SEH1L: variants seen among roughly 807,000 people sequenced by gnomAD.
SEH1L encodes the protein nucleoporin SEH1.
A neutral mutation model predicts 49.5 loss-of-function variants in SEH1L; 18 were observed. The observed-to-expected ratio is 0.36, with a 90% CI of 0.25 to 0.54. The LOEUF is 0.54. SEH1L is among the 20% of genes least tolerant of loss of function. SEH1L has a pLI of 0.87. For synonymous variants in SEH1L, 169 were observed against 178.1 expected (o/e 0.95, Z 0.41); for missense variants, 404 against 528.8 (o/e 0.76, Z 2.31).
chr18:12,986,154 C>T (rs2032449382), intron 8 of SEH1L: 10 of 983,316 alleles, frequency 1.0e-5, no homozygotes, highest in Middle Eastern at 5.2e-4. Context: ...TAATTTAGTT[C>T]GCTGTTTAAA....
intron 5 of SEH1L, chr18:12,971,615 C>G (rs2031704734): frequency 1.1e-5 from 1 of 93,232 alleles, no homozygotes; most frequent in Non-Finnish European, 2.0e-5. Flanking sequence ...GGCTGGGCAA[C>G]AAGAGCGAAA....
chr18:12,979,719 C>G (rs1156570997), intron 6 of SEH1L, among the ~76,000 whole-genome samples: 1 of 149,156 alleles, frequency 6.7e-6, no homozygotes, highest in Non-Finnish European at 1.5e-5. Flanking sequence ...ACCTCCCTCC[C>G]GGACGGGGCG....
intron 8 of SEH1L, among the ~76,000 whole-genome samples, chr18:12,984,433 G>C (rs1181538021): frequency 6.6e-6 from 1 of 152,234 alleles, no homozygotes; most frequent in Non-Finnish European, 1.5e-5. Flanking sequence ...TGGTAGAAAT[G>C]TTTACAGGTT....
rs2030341422 is a variant in SEH1L, at chr18:12,949,244, C to T, written c.111+1012C>T. Among the ~76,000 whole-genome samples, 8 of 152,002 alleles carry T rather than the reference C, an allele frequency of 5.3e-5. No homozygotes were observed. In the South Asian group the frequency reaches 1.7e-3, roughly 32 times the overall value. On this transcript the variant is annotated intron_variant, in intron 1 of 8. Transcript: ENST00000399892. The stretch of plus-strand genomic sequence containing the variant: ...AGATGTGTTGCAGGATGAATGAAAG[C>T]TGGAGTGCGGATTATTTGGTTCTCG...
In SEH1L at chr18:12,979,504, A is replaced by G. The variant is rs978333308; in HGVS notation, c.761+612A>G. On this transcript the variant is annotated intron_variant, in intron 6 of 8. Coordinates refer to ENST00000399892, the MANE Select transcript of SEH1L (RefSeq NM_001013437.2). ...GACACGGCAACCATCCGATTTCTCA[A>G]TCTTTTCCCCACCTTTCCCCGCTTT... is the stretch of plus-strand genomic sequence containing the variant. 7.9e-5 allele frequency among the ~76,000 whole-genome samples: 12 copies of G among 152,116 alleles called. No homozygotes were observed. In the South Asian group the frequency reaches 1.5e-3, roughly 18 times the overall value.
chr18:12,963,083 CAG>C (rs1188504578), intron 3 of SEH1L, 75 bp from the exon 4 acceptor site: 1 of 1,036,682 alleles, frequency 9.6e-7, no homozygotes, highest in African/African-American at 1.6e-5. Flanking sequence ...TGTGTGATTC[CAG>C]AGTCTGTGTG....
rs199828651 is a variant in SEH1L, at chr18:12,955,533, C to G, written c.233C>G (p.Ser78Cys). The G allele has an allele frequency of 1.7e-5, 28 of 1,613,356 alleles. No individual in the cohort carries two copies. Among genetic ancestry groups the G allele is most frequent in the Non-Finnish European group, 2.3e-5 (27 of 1,179,892 alleles). ...TTTGGGCAGGTTTTGGCTTCCTGTTCTTTTGACCGAACAGCTGCTGTATGG... is the reference window on the plus strand; with the variant it reads ...TTTGGGCAGGTTTTGGCTTCCTGTTGTTTTGACCGAACAGCTGCTGTATGG... ...PEFGQVLASCSFDRTAAVWEE... is the reference protein window; with the variant it reads ...PEFGQVLASCCFDRTAAVWEE... The change falls in exon 3 of 9, where the codon TCT becomes TGT. Residue 78 changes from serine to cysteine, a missense_variant. Ser to Cys is a moderately radical substitution (Grantham distance 112). Coordinates refer to ENST00000399892, the MANE Select transcript of SEH1L (RefSeq NM_001013437.2).
chr18:12,972,798 A>T (rs1302231837), intron 5 of SEH1L: 1 of 152,246 alleles, frequency 6.6e-6, no homozygotes, highest in Non-Finnish European at 1.5e-5. Flanking sequence ...AAAAACTATG[A>T]GCCCTATTAA....
At chr18:12,975,427 T>A (rs2031877987) in intron 5 of SEH1L, among the ~76,000 whole-genome samples, 1 of 152,004 alleles carries the variant, frequency 6.6e-6, no homozygotes, top group South Asian at 2.1e-4. Context: ...ATGAGGATGG[T>A]CACCTGCTAG....
chr18:12,950,671 G>A (rs1050379315), intron 1 of SEH1L, among the ~76,000 whole-genome samples: 3 of 152,170 alleles, frequency 2.0e-5, no homozygotes, highest in African/African-American at 7.2e-5. Context: ...CACTATTGAA[G>A]AGAATTGACA....
chr18:12,966,840 CA>C (rs1348139131), intron 4 of SEH1L, among the ~76,000 whole-genome samples: 1 of 152,112 alleles, frequency 6.6e-6, no homozygotes, highest in Admixed American at 6.5e-5. Context: ...TTGATTATTC[CA>C]GGATTTACTC....
intron 6 of SEH1L, among the ~76,000 whole-genome samples, chr18:12,979,524 C>G (rs543236709): frequency 1.3e-5 from 2 of 152,144 alleles, no homozygotes; most frequent in South Asian, 4.1e-4. Flanking sequence ...CACCTTTCCC[C>G]GCTTTCTATT....
chr18:12,973,672 T>G (rs757264868), intron 5 of SEH1L: 5 of 152,192 alleles, frequency 3.3e-5, no homozygotes, highest in Non-Finnish European at 7.3e-5. Flanking sequence ...TGCATTTGAG[T>G]CTAGTCTCTT....
chr18:12,948,371 T>G (rs1264788207), intron 1 of SEH1L, 139 bp downstream of exon 1: 1 of 620,928 alleles, frequency 1.6e-6, no homozygotes, highest in Non-Finnish European at 2.7e-6. Context: ...CTGGCTGGAC[T>G]GAGCGGAAGC....
chr18:12,982,262 A>G (rs1345873542), intron 6 of SEH1L, among the ~76,000 whole-genome samples: 1 of 152,034 alleles, frequency 6.6e-6, no homozygotes, highest in Non-Finnish European at 1.5e-5. Flanking sequence ...TCTTTCTTCC[A>G]TGAAACAGTC....
Position 12,978,807 on chromosome 18 carries a change from G to T in SEH1L, c.676G>T (p.Ala226Ser), listed in dbSNP as rs373980702. ...AGTCACTGATCCTGTTCATGATATT[G>T]CATTCGCTCCAAATTTGGGAAGATC... Reference protein sequence around the residue: ...MTVTDPVHDIAFAPNLGRSFH... With the variant: ...MTVTDPVHDISFAPNLGRSFH... The change falls in exon 6 of 9, where the codon GCA becomes TCA. Residue 226 changes from alanine (A) to serine (S), a missense_variant. Coordinates refer to ENST00000399892, the MANE Select transcript of SEH1L (RefSeq NM_001013437.2). 6.2e-7 allele frequency: 1 copy of T among 1,613,576 alleles called. No homozygotes were observed. The highest frequency in any genetic ancestry group is 8.5e-7 in the Non-Finnish European group (1 of 1,179,564).
At chr18:12,967,814 T>C (rs2031518725) in intron 4 of SEH1L, among the ~76,000 whole-genome samples, 1 of 152,022 alleles carries the variant, frequency 6.6e-6, no homozygotes, top group Admixed American at 6.6e-5. Context: ...CTCAGGAGGC[T>C]GAGGCAGGAG....
At chr18:12,962,613 G>A (rs1013582338) in intron 3 of SEH1L, among the ~76,000 whole-genome samples, 3 of 150,262 alleles carry the variant, frequency 2.0e-5, no homozygotes, top group Admixed American at 6.6e-5. Flanking sequence ...GGCCACAGGC[G>A]TGCACCACCA....
At chr18:12,964,264 C>T (rs1282769645) in intron 4 of SEH1L, among the ~76,000 whole-genome samples, 2 of 152,090 alleles carry the variant, frequency 1.3e-5, no homozygotes, top group Non-Finnish European at 2.9e-5. Context: ...AGTTCCTTTA[C>T]CCCCTAAAAA....
Sources: gnomAD v4.1 joint callset for allele counts (sites outside exome capture counted in the v4.1 genomes callset) on GRCh38, gnomAD v4.1.1 for gene constraint, MANE v1.5 for transcripts, NCBI Gene and HGNC (gene_info 2026-07-23, HGNC 2026-07-21) for gene names.